Variants in RAPGEF3 observed in about 807,000 individuals in gnomAD.
RAPGEF3 encodes 9330170P05Rik.
RAPGEF3 carries 103 observed loss-of-function variants against 129.8 expected under a neutral mutation model. That is an observed-to-expected ratio of 0.79 (90% CI 0.68 to 0.93). The LOEUF (loss-of-function observed/expected upper bound fraction) is 0.93, where lower values mean the gene tolerates loss of function less well. Ranked by LOEUF, RAPGEF3 falls within the 40% of genes least tolerant of loss-of-function variation. The probability of loss-of-function intolerance (pLI) is 0.00; values close to 1 mark genes in which losing one functional copy is unlikely to be tolerated. For missense variants in RAPGEF3, 1,117 were observed against 1,207.4 expected (o/e 0.93, Z 1.11); for synonymous variants, 436 against 482.6 (o/e 0.90, Z 1.26).
rs1395889149 is a variant in RAPGEF3, at chr12:47,749,391, T to C, written c.1040A>G (p.Lys347Arg). Residue 347 changes from lysine to arginine, a missense_variant and splice_region_variant, in exon 10 of 28, where the codon AAG becomes AGG. Physicochemically the swap from Lys to Arg is conservative, Grantham distance 26. Transcript: ENST00000449771. This position sits in a 1 kb window ranked among gnomAD's most constrained non-coding sequence, Gnocchi z 4.5. ...VDKQDFNRIIKDVEAKTMRLE... is the reference protein window; with the variant it reads ...VDKQDFNRIIRDVEAKTMRLE... ...CCTCCCCAACCCCAGCAGCAGCACC[T>C]TGATGATACGGTTGAAGTCCTGCTT... 1 of 1,612,116 alleles carries C rather than the reference T, an allele frequency of 6.2e-7. No homozygotes were observed. Among genetic ancestry groups the C allele is most frequent in the African/African-American group, 1.3e-5 (1 of 75,006 alleles).
In RAPGEF3 at chr12:47,748,550, A is replaced by G; in HGVS notation, c.1155-8T>C. On this transcript the variant is annotated splice_polypyrimidine_tract_variant and splice_region_variant and intron_variant, in intron 11 of 27. Transcript: ENST00000449771. ...CCAGACATCACTGTATACCTAGCAG[A>G]AATGGCCAATCTTTGGCACTGGTGC... 1 of 1,611,530 alleles carries G rather than the reference A, an allele frequency of 6.2e-7. No homozygotes were observed. The highest frequency in any genetic ancestry group is 1.3e-5 in the African/African-American group (1 of 74,968).
Position 47,754,569 on chromosome 12 carries a change from A to T in RAPGEF3, c.220-2600T>A, listed in dbSNP as rs1004071549. On this transcript the variant is annotated intron_variant, in intron 2 of 27. Transcript: ENST00000449771. The stretch of plus-strand genomic sequence containing the variant: ...CAGTGCTTCGGTTTCCTCATCTGTA[A>T]ACTGGGGTTGATGATATGAATAGTA... 3.2e-4 allele frequency among the ~76,000 whole-genome samples: 48 copies of T among 152,196 alleles called. 1 individual carries two copies. Among genetic ancestry groups the T allele is most frequent in the African/African-American group, 1.0e-3 (43 of 41,446 alleles).
intron 4 of RAPGEF3, 32 bp downstream of exon 4, chr12:47,751,691 C>T: frequency 6.2e-7 from 1 of 1,608,484 alleles, no homozygotes; most frequent in Non-Finnish European, 8.5e-7. Context: ...AGCAGTGAGG[C>T]TGGGCAAGGA....
At chr12:47,746,735 G>A (rs1358328566) in intron 16 of RAPGEF3, 125 bp downstream of exon 16, 13 of 1,123,242 alleles carry the variant, frequency 1.2e-5, no homozygotes, top group Non-Finnish European at 1.7e-5. Flanking sequence ...ACCTATCAGA[G>A]ACCCAAGGGT....
chr12:47,738,200 G>T lies in RAPGEF3; in HGVS notation c.2574C>A (p.His858Gln), dbSNP rs1940911197. Residue 858 changes from histidine to glutamine, a missense_variant, in exon 26 of 28, where the codon CAC becomes CAA. By Grantham distance (24) the His-to-Gln change is conservative. This residue lies in a region of RAPGEF3 where 643 missense variants were observed against 673.4 expected (regional missense o/e 0.95). Coordinates refer to ENST00000449771, the MANE Select transcript of RAPGEF3 (RefSeq NM_001098531.4). ...GGGGACCCGCCCTCTCACCAGGGTT[G>T]TGGCTTCGGCAGTGGTGCAGCATCC... ...AARMLHHCRS[H>Q]NPVPLSPLRS... The T allele has an allele frequency of 3.7e-6, 6 of 1,613,746 alleles. No homozygotes were observed. Among genetic ancestry groups the T allele is most frequent in the Non-Finnish European group, 4.2e-6 (5 of 1,179,966 alleles).
Position 47,749,045 on chromosome 12 carries a change from A to ATG in RAPGEF3, c.1042-115_1042-114insCA. On this transcript the variant is annotated intron_variant, in intron 10 of 27. Transcript: ENST00000449771. The surrounding 1 kb of genome is among the most constrained non-coding windows in gnomAD (Gnocchi z 4.5). ...CCATGAGGGTCCCACAGGGACCCAC[A>ATG]GCCCTTCTCCCACCTCCGACTTTGG... is the stretch of plus-strand genomic sequence containing the variant. The ATG allele has an allele frequency of 4.5e-6, 4 of 885,972 alleles. No individual in the cohort carries two copies. The highest frequency in any genetic ancestry group is 1.7e-5 in the African/African-American group (1 of 59,740). 54.9% of individuals were successfully genotyped at this position (885,972 alleles called of 1,614,324 possible).
chr12:47,748,233 C>T, intron 12 of RAPGEF3, 81 bp from the exon 13 acceptor site: 4 of 1,223,510 alleles, frequency 3.3e-6, no homozygotes, highest in Non-Finnish European at 3.5e-6. Context: ...GCTGGAAGGA[C>T]CCTTCCCCAC....
chr12:47,739,956 C>A, intron 23 of RAPGEF3, 185 bp downstream of exon 23: 1 of 689,100 alleles, frequency 1.5e-6, no homozygotes, highest in Non-Finnish European at 2.5e-6. Context: ...GCTGAACACC[C>A]CTTCCTCAGC....
At chr12:47,750,500 C>A (rs1941682743) in intron 6 of RAPGEF3, 75 bp from the exon 7 acceptor site, 1 of 1,335,102 alleles carries the variant, frequency 7.5e-7, no homozygotes, top group African/African-American at 1.4e-5. Context: ...TCCACCCACC[C>A]AGCCGATGCC....
At chr12:47,747,958 C>G in intron 13 of RAPGEF3, 96 bp from the exon 14 acceptor site, 6 of 1,584,150 alleles carry the variant, frequency 3.8e-6, no homozygotes, top group Non-Finnish European at 5.2e-6. Context: ...CAAGCTGGGC[C>G]TGGCAGCAGG....
chr12:47,748,335 A>G (rs2136781986), intron 12 of RAPGEF3, 119 bp downstream of exon 12: 1 of 1,065,908 alleles, frequency 9.4e-7, no homozygotes. Context: ...CTTATTGCCA[A>G]CTTCTGTACA....
chr12:47,746,782 C>T lies in RAPGEF3; in HGVS notation c.1596+78G>A, dbSNP rs569545676. The T allele has an allele frequency of 3.5e-6, 5 of 1,445,280 alleles. No individual in the cohort carries two copies. The South Asian group carries it at 3.6e-5, about 11-fold the overall frequency. 89.5% of individuals were successfully genotyped at this position (1,445,280 alleles called of 1,614,324 possible). On this transcript the variant is annotated intron_variant, in intron 16 of 27. Coordinates refer to ENST00000449771, the MANE Select transcript of RAPGEF3 (RefSeq NM_001098531.4). ...AGGAGAGCTTCCCACGCCCACAGAG[C>T]CCCTCAGGGTCAGGGGGCGAAGGAG... is the stretch of plus-strand genomic sequence containing the variant.
At chr12:47,745,080 A>G (rs931804153) in intron 16 of RAPGEF3, 3 of 152,488 alleles carry the variant, frequency 2.0e-5, no homozygotes, top group Middle Eastern at 3.1e-3. Context: ...GTAGCTTGTC[A>G]TCTTGCTTTG....
Position 47,757,894 on chromosome 12 carries a change from C to T in RAPGEF3, c.191G>A (p.Arg64His), listed in dbSNP as rs762724728. The change falls in exon 2 of 28, where the codon CGT (arginine) becomes CAT (histidine). Residue 64 changes from arginine to histidine, a missense_variant. This residue lies in a region of RAPGEF3 where 367 missense variants were observed against 373.4 expected (regional missense o/e 0.98). Transcript: ENST00000449771. ...GCGCAGCCCCTGGATGCAGCTCGGACGCTGGTGCTCCAGCAGCAGCTGGTA... is the reference window on the plus strand; with the variant it reads ...GCGCAGCCCCTGGATGCAGCTCGGATGCTGGTGCTCCAGCAGCAGCTGGTA... ...CSYQLLLEHQRPSCIQGLRWT... is the reference protein window; with the variant it reads ...CSYQLLLEHQHPSCIQGLRWT... 5.7e-5 allele frequency: 89 copies of T among 1,556,022 alleles called. No homozygotes were observed. The highest frequency in any genetic ancestry group is 9.7e-5 in the Admixed American group (5 of 51,614).
intron 2 of RAPGEF3, among the ~76,000 whole-genome samples, chr12:47,752,350 G>A (rs1217744668): frequency 6.6e-6 from 1 of 152,218 alleles, no homozygotes; most frequent in Non-Finnish European, 1.5e-5. Context: ...GGAGATGGGA[G>A]CCAGGATGTG....
At chr12:47,743,151 G>A (rs541237979) in intron 18 of RAPGEF3, among the ~76,000 whole-genome samples, 14 of 152,252 alleles carry the variant, frequency 9.2e-5, no homozygotes, top group East Asian at 3.9e-4. Context: ...ACTATGTGCC[G>A]GGCACCATTC....
chr12:47,750,774 A>G (rs1257896138), intron 6 of RAPGEF3, among the ~76,000 whole-genome samples: 3 of 152,192 alleles, frequency 2.0e-5, no homozygotes, highest in South Asian at 4.1e-4. Context: ...TTCAGCCACA[A>G]CTGTGTCTCT....
Position 47,749,435 on chromosome 12 carries a change from A to G in RAPGEF3, c.996T>C (p.Cys332=). ...AATIILREDN[C]HFLRVDKQDF... is the part of the protein sequence containing the mutation. ...CCTGCTTGTCCACACGCAGGAAATG[A>G]CAGTTGTCTTCTCGCAGGATGATGG... The change falls in exon 10 of 28, where the codon TGT becomes TGC. Residue 332 remains cysteine (C), a synonymous_variant. Coordinates refer to ENST00000449771, the MANE Select transcript of RAPGEF3 (RefSeq NM_001098531.4). The surrounding 1 kb of genome is among the most constrained non-coding windows in gnomAD (Gnocchi z 4.5). The G allele has an allele frequency of 4.3e-6, 7 of 1,613,360 alleles. No homozygotes were observed. Among genetic ancestry groups the G allele is most frequent in the Non-Finnish European group, 5.9e-6 (7 of 1,180,004 alleles).
chr12:47,748,831 G>A lies in RAPGEF3; in HGVS notation c.1142C>T (p.Pro381Leu). The change falls in exon 11 of 28, where the codon CCA becomes CTA. Residue 381 changes from proline to leucine, a missense_variant. By Grantham distance (98) the Pro-to-Leu change is moderately conservative (BLOSUM62 -3). Coordinates refer to ENST00000449771, the MANE Select transcript of RAPGEF3 (RefSeq NM_001098531.4). ...GCAGGTGTATTACCGGTTCCTGCCT[G>A]GGGTTGGGGGTCGGGAAGGGCCGGC... is the stretch of plus-strand genomic sequence containing the variant. ...QGAGPSRPPT[P>L]GRNRYTVMSG... 6.2e-7 allele frequency: 1 copy of A among 1,611,256 alleles called. No homozygotes were observed. The highest frequency in any genetic ancestry group is 8.5e-7 in the Non-Finnish European group (1 of 1,177,392).
Sources: gnomAD v4.1 joint callset for allele counts (sites outside exome capture counted in the v4.1 genomes callset) on GRCh38, gnomAD v4.1.1 for gene constraint, gnomAD v4.1.1 regional missense constraint, Gnocchi (gnomAD v3.1) non-coding constraint, MANE v1.5 for transcripts, NCBI Gene and HGNC (gene_info 2026-07-23, HGNC 2026-07-21) for gene names.